Variants in GALNT2 observed in about 807,000 individuals in gnomAD.
The protein encoded by GALNT2 is UDP-GalNAc:polypeptide N-acetylgalactosaminyltransferase 2.
In GALNT2, 31 loss-of-function variants were observed where a neutral mutation model predicts 81.4. The observed-to-expected ratio is 0.38, with a 90% CI of 0.29 to 0.51. GALNT2 has a LOEUF of 0.51. Ranked by LOEUF, GALNT2 falls within the 20% of genes least tolerant of loss-of-function variation. The pLI is 0.87. For synonymous variants in GALNT2, 303 were observed against 287.4 expected, an observed-to-expected ratio of 1.05 and a Z score of -0.55; for missense variants, 629 against 765.7, an observed-to-expected ratio of 0.82 and a Z score of 2.11.
chr1:230,179,136 G>A (rs775992988), intron 2 of GALNT2, among the ~76,000 whole-genome samples: 64 of 151,318 alleles, frequency 4.2e-4, no homozygotes, highest in Non-Finnish European at 5.6e-4. Flanking sequence ...TTTCATGGCT[G>A]GATAGCTCAT....
chr1:230,060,828 T>C (rs1169279487), intron 1 of GALNT2, among the ~76,000 whole-genome samples: 1 of 152,218 alleles, frequency 6.6e-6, no homozygotes, highest in Non-Finnish European at 1.5e-5. Context: ...GTGTTTATTT[T>C]GATGCATATA....
At chr1:230,246,520 G>C (rs1391039941) in intron 8 of GALNT2, among the ~76,000 whole-genome samples, 3 of 152,164 alleles carry the variant, frequency 2.0e-5, no homozygotes, top group Admixed American at 6.5e-5. Flanking sequence ...CAAGGGGCTG[G>C]AGCCTGTCTT....
chr1:230,229,671 G>C (rs527418239), intron 3 of GALNT2, among the ~76,000 whole-genome samples: 19 of 152,304 alleles, frequency 1.2e-4, no homozygotes, highest in South Asian at 6.2e-4. Flanking sequence ...CAGCAGAAAA[G>C]GGATGACGTG....
intron 7 of GALNT2, among the ~76,000 whole-genome samples, chr1:230,245,143 C>T (rs1337127623): frequency 6.7e-6 from 1 of 150,262 alleles, no homozygotes; most frequent in Non-Finnish European, 1.5e-5. Flanking sequence ...AGACATGGCT[C>T]AATCTAGGGG....
At chr1:230,136,877 G>A (rs11807834) in intron 1 of GALNT2, among the ~76,000 whole-genome samples, 31,651 of 152,088 alleles carry the variant, frequency 0.21, 3,488 homozygotes, top group South Asian at 0.3. Flanking sequence ...AGAGCCGGCC[G>A]TCTGTGCATT....
intron 1 of GALNT2, among the ~76,000 whole-genome samples, chr1:230,116,501 T>A (rs568849013): frequency 2.6e-5 from 4 of 152,230 alleles, no homozygotes; most frequent in Non-Finnish European, 5.9e-5. Flanking sequence ...GTGCTGAGAT[T>A]ACAGGCGTGA....
chr1:230,265,255 A>C lies in GALNT2; in HGVS notation c.1328A>C (p.Gln443Pro). 1 of 1,614,226 alleles carries C rather than the reference A, an allele frequency of 6.2e-7. No individual in the cohort carries two copies. Among genetic ancestry groups the C allele is most frequent in the Non-Finnish European group, 8.5e-7 (1 of 1,180,036 alleles). Residue 443 changes from glutamine (Q) to proline (P), a missense_variant, in exon 14 of 16, where the codon CAG (glutamine) becomes CCG (proline). Gln to Pro is a moderately conservative substitution (Grantham distance 76). Transcript: ENST00000366672. ...VYPELRVPDH[Q>P]DIAFGALQQG... ...TTGTTTTTCAGGGTTCCAGACCATC[A>C]GGATATAGCTTTTGGGGCCTTGCAG... is the stretch of plus-strand genomic sequence containing the variant.
At chr1:230,102,478 T>C (rs1212548466) in intron 1 of GALNT2, among the ~76,000 whole-genome samples, 3 of 152,218 alleles carry the variant, frequency 2.0e-5, no homozygotes, top group African/African-American at 7.2e-5. Context: ...TTTTAGGTTT[T>C]AGAATTCCAG....
intron 1 of GALNT2, among the ~76,000 whole-genome samples, chr1:230,097,240 AT>A (rs1441789930): frequency 6.6e-6 from 1 of 152,030 alleles, no homozygotes; most frequent in South Asian, 2.1e-4. Flanking sequence ...ATATTTCCTT[AT>A]TTTTTTCATG....
intron 1 of GALNT2, among the ~76,000 whole-genome samples, chr1:230,161,061 C>G (rs962976102): frequency 9.9e-5 from 15 of 152,114 alleles, no homozygotes; most frequent in Non-Finnish European, 2.2e-4. Context: ...TCTCAGTTAC[C>G]TTTGATCCCT....
At chr1:230,191,003 C>G (rs1411218794) in intron 2 of GALNT2, among the ~76,000 whole-genome samples, 1 of 152,178 alleles carries the variant, frequency 6.6e-6, no homozygotes, top group Non-Finnish European at 1.5e-5. Context: ...GCCATTTTAT[C>G]TTCCACAGGG....
Position 230,211,766 on chromosome 1 carries a change from C to CT in GALNT2, c.374+8477dup, listed in dbSNP as rs1360447413. 3.3e-5 allele frequency among the ~76,000 whole-genome samples: 5 copies of CT among 152,052 alleles called. No individual in the cohort carries two copies. The East Asian group carries it at 9.7e-4, about 29-fold the overall frequency. ...CTAGCCTGGGCAACAGAGTGAGACTCTATCTCTAAAAATAAAAAATTTTAT... is the reference window on the plus strand; with the variant it reads ...CTAGCCTGGGCAACAGAGTGAGACTCTTATCTCTAAAAATAAAAAATTTTAT... On this transcript the variant is annotated intron_variant, in intron 3 of 15. Coordinates refer to ENST00000366672, the MANE Select transcript of GALNT2 (RefSeq NM_004481.5).
intron 1 of GALNT2, among the ~76,000 whole-genome samples, chr1:230,177,921 C>G (rs569888250): frequency 2.0e-5 from 3 of 152,302 alleles, no homozygotes; most frequent in Admixed American, 6.5e-5. Flanking sequence ...TCACAAATCC[C>G]CAAAGCCCTG....
chr1:230,223,576 C>A (rs1664619078), intron 3 of GALNT2, among the ~76,000 whole-genome samples: 2 of 151,824 alleles, frequency 1.3e-5, no homozygotes, highest in African/African-American at 4.8e-5. Context: ...TCAAGCGATT[C>A]TCTCCTGCCT....
chr1:230,088,689 C>T (rs1011308147), intron 1 of GALNT2, among the ~76,000 whole-genome samples: 1 of 152,082 alleles, frequency 6.6e-6, no homozygotes, highest in Non-Finnish European at 1.5e-5. Context: ...AGGGGCCTGC[C>T]ACCATGCCTG....
At chr1:230,140,711 C>T (rs1021754306) in intron 1 of GALNT2, among the ~76,000 whole-genome samples, 1 of 152,158 alleles carries the variant, frequency 6.6e-6, no homozygotes, top group African/African-American at 2.4e-5. Flanking sequence ...AGAGATCATT[C>T]GAACCTTTCT....
chr1:230,208,280 G>C (rs569534301), intron 3 of GALNT2, among the ~76,000 whole-genome samples: 3 of 152,136 alleles, frequency 2.0e-5, no homozygotes, highest in Non-Finnish European at 4.4e-5. Context: ...TATTCTGAAG[G>C]TGGGGCCAAC....
chr1:230,274,430 G>A lies in GALNT2; in HGVS notation c.1441-15G>A. On this transcript the variant is annotated splice_polypyrimidine_tract_variant and intron_variant, in intron 14 of 15. Coordinates refer to ENST00000366672, the MANE Select transcript of GALNT2 (RefSeq NM_004481.5). ...GGTGCATAGCACGCCTCTGACTTCT[G>A]GTTTTGTGTTCCAGGAATGGGCCTT... 1 of 1,612,672 alleles carries A rather than the reference G, an allele frequency of 6.2e-7. No homozygotes were observed. Among genetic ancestry groups the A allele is most frequent in the Non-Finnish European group, 8.5e-7 (1 of 1,179,312 alleles).
intron 1 of GALNT2, among the ~76,000 whole-genome samples, chr1:230,175,051 T>G (rs1662918904): frequency 6.6e-6 from 1 of 152,194 alleles, no homozygotes; most frequent in South Asian, 2.1e-4. Flanking sequence ...CCCTGCTGTG[T>G]CTCTAGGAGC....
Sources: allele counts gnomAD v4.1 joint callset (sites outside exome capture counted in the v4.1 genomes callset), GRCh38; gene constraint gnomAD v4.1.1; transcripts MANE v1.5; gene names NCBI Gene and HGNC (gene_info 2026-07-23, HGNC 2026-07-21).